Variants in CCDC22 observed in about 807,000 individuals in gnomAD.
CCDC22 encodes the protein CCC complex scaffolding subunit CCDC22, also known as coiled-coil domain-containing protein 22.
Under a neutral mutation model 53.1 loss-of-function variants are expected in CCDC22, and 4 were observed. The ratio of observed to expected loss-of-function variants is 0.08; its 90% CI spans 0.04 to 0.17. The LOEUF is 0.17. Ranked by LOEUF, CCDC22 falls within the 10% of genes least tolerant of loss-of-function variation. The probability of loss-of-function intolerance (pLI) is 1.00; values close to 1 mark genes in which losing one functional copy is unlikely to be tolerated. For missense variants in CCDC22, 458 were observed against 554.0 expected, an observed-to-expected ratio of 0.83 and a Z score of 1.74; for synonymous variants, 222 against 224.4, an observed-to-expected ratio of 0.99 and a Z score of 0.10.
intron 5 of CCDC22, 24 bp from the exon 6 acceptor site, chrX:49,243,260 A>G: frequency 8.3e-7 from 1 of 1,199,642 alleles, no homozygotes; most frequent in Non-Finnish European, 1.1e-6. Flanking sequence ...CGGCAGGGCC[A>G]GCTGACTCTG....
At chrX:49,245,278 A>C (rs2065983853) in intron 6 of CCDC22, among the ~76,000 whole-genome samples, 1 of 102,549 alleles carries the variant, frequency 9.8e-6, no homozygotes, top group Admixed American at 1.0e-4. Flanking sequence ...CTTTTTCTCC[A>C]CCTCTGTGTC....
chrX:49,246,920 C>T lies in CCDC22; in HGVS notation c.904C>T (p.His302Tyr). 8.4e-7 allele frequency: 1 copy of T among 1,190,275 alleles called. No homozygotes were observed. Among genetic ancestry groups the T allele is most frequent in the Non-Finnish European group, 1.1e-6 (1 of 883,780 alleles). ...CACGCACTCAGAGAAGTTCACCTTCCATCTGGTGGGTGCGCCTGAGGACAT... is the reference window on the plus strand; with the variant it reads ...CACGCACTCAGAGAAGTTCACCTTCTATCTGGTGGGTGCGCCTGAGGACAT... Reference protein sequence around the residue: ...RFTHSEKFTFHLEPQAQATQV... With the variant: ...RFTHSEKFTFYLEPQAQATQV... Residue 302 changes from histidine to tyrosine, a missense_variant, in exon 7 of 17, where the codon CAT (histidine) becomes TAT (tyrosine). By Grantham distance (83) the His-to-Tyr change is moderately conservative (BLOSUM62 2). Transcript: ENST00000376227.
chrX:49,247,444 G>A (rs970526378), intron 7 of CCDC22, 52 bp from the exon 8 acceptor site: 8 of 1,119,425 alleles, frequency 7.1e-6, no homozygotes, highest in Non-Finnish European at 9.6e-6. Context: ...GCTGGGCCAC[G>A]TGAGGAAGGG....
chrX:49,238,763 G>T (rs1184774420), intron 2 of CCDC22, among the ~76,000 whole-genome samples: 1 of 110,237 alleles, frequency 9.1e-6, no homozygotes, highest in East Asian at 2.9e-4. Context: ...TCTCGCTTTT[G>T]TAGAGATGTT....
In CCDC22 at chrX:49,237,476, C is replaced by T. The variant is rs142988339; in HGVS notation, c.228+213C>T. On this transcript the variant is annotated intron_variant, in intron 2 of 16. Coordinates refer to ENST00000376227, the MANE Select transcript of CCDC22 (RefSeq NM_014008.5). Reference sequence around the variant, plus strand: ...ACTGCCTGAGTAGTTTAGATCCTAGCCCCACCACTTGGTAACTGTGTGACC... The same window carrying T: ...ACTGCCTGAGTAGTTTAGATCCTAGTCCCACCACTTGGTAACTGTGTGACC... 7.4e-3 allele frequency among the ~76,000 whole-genome samples: 825 copies of T among 112,136 alleles called. 10 individuals are homozygous for T. Among genetic ancestry groups the T allele is most frequent in the Admixed American group, 0.046 (486 of 10,514 alleles).
In CCDC22 at chrX:49,249,231, C is replaced by T. The variant is rs782452269; in HGVS notation, c.1604C>T (p.Thr535Met). 8.3e-6 allele frequency: 10 copies of T among 1,208,867 alleles called. No homozygotes were observed. The highest frequency in any genetic ancestry group is 6.5e-5 in the Admixed American group (3 of 46,022). The change falls in exon 14 of 17, where the codon ACG becomes ATG. Residue 535 changes from threonine (T) to methionine (M), a missense_variant. By Grantham distance (81) the Thr-to-Met change is moderately conservative. Around this residue, in one of 4 missense-constraint regions of CCDC22, gnomAD observed 48 missense variants for 83.4 expected, o/e 0.58. Transcript: ENST00000376227. ...TCCCTATCTGGGAAGCTGGACCGGA[C>T]GTTTGCGGTGACTGATGAGCTTGTG... The part of the protein sequence containing the change: ...INSLSGKLDR[T>M]FAVTDELVFK...
rs200741513 is a variant in CCDC22 at position 49,242,117 on chromosome X, C to T, written c.330C>T (p.Thr110=). Residue 110 remains threonine, a synonymous_variant, in exon 3 of 17, where the codon ACC becomes ACT. Transcript: ENST00000376227. Reference sequence around the variant, plus strand: ...TCTTCTTGGCTGAGCGTCTGCCCACCGATGCCTCTGAGGATGCAGACCAGC... The same window carrying T: ...TCTTCTTGGCTGAGCGTCTGCCCACTGATGCCTCTGAGGATGCAGACCAGC... ...LLLFLAERLP[T]DASEDADQPA... The T allele has an allele frequency of 2.5e-5, 30 of 1,207,950 alleles. No individual in the cohort carries two copies. The highest frequency in any genetic ancestry group is 1.3e-4 in the Admixed American group (6 of 45,547).
chrX:49,243,063 C>G, intron 4 of CCDC22, 55 bp from the exon 5 acceptor site: 2 of 1,165,301 alleles, frequency 1.7e-6, no homozygotes, highest in Non-Finnish European at 2.3e-6. Flanking sequence ...CCCCCTACCC[C>G]TGGCAACCCT....
chrX:49,242,021 G>A lies in CCDC22; in HGVS notation c.234G>A (p.Leu78=). Residue 78 remains leucine (L), a synonymous_variant, in exon 3 of 17, where the codon CTG becomes CTA. Coordinates refer to ENST00000376227, the MANE Select transcript of CCDC22 (RefSeq NM_014008.5). ...AMSLAQACMD[L]GYPLELGYQN... ...AGCCGCCCACCAACCCTCAGGACCT[G>A]GGCTATCCCTTGGAGCTTGGCTATC... The A allele has an allele frequency of 8.3e-7, 1 of 1,207,827 alleles. No homozygotes were observed. Among genetic ancestry groups the A allele is most frequent in the Non-Finnish European group, 1.1e-6 (1 of 894,353 alleles).
rs782617947 is a variant in CCDC22, at chrX:49,243,413, G to A, written c.665G>A (p.Arg222Gln). The change falls in exon 6 of 17, where the codon CGG (arginine) becomes CAG (glutamine). Residue 222 changes from arginine to glutamine, a missense_variant. Arg to Gln is a conservative substitution (Grantham distance 43). This residue lies in a region of CCDC22 where 309 missense variants were observed against 312.3 expected (regional missense o/e 0.99). Transcript: ENST00000376227. ...CTCTGCCAGCAGACGGGCCGGGACC[G>A]GCCAGGGGATGAGGACTGGGTCCAC... ...LQLCQQTGRD[R>Q]PGDEDWVHRT... 2.4e-5 allele frequency: 29 copies of A among 1,200,873 alleles called. No individual in the cohort carries two copies. Among genetic ancestry groups the A allele is most frequent in the African/African-American group, 1.7e-4 (10 of 57,248 alleles).
chrX:49,236,203 CTTT>C (rs57388689), intron 1 of CCDC22, among the ~76,000 whole-genome samples: 17 of 96,746 alleles, frequency 1.8e-4, no homozygotes, highest in African/African-American at 6.0e-4. Context: ...ACCCAGGATT[CTTT>C]TTTTTTTTTT....
intron 6 of CCDC22, among the ~76,000 whole-genome samples, chrX:49,245,967 GTTTTGTT>G (rs2065987057): frequency 1.5e-5 from 1 of 65,713 alleles, no homozygotes; most frequent in Non-Finnish European, 4.3e-5. Context: ...GTTTTGTTTT[GTTTTGTT>G]TTTTTTTTGT....
intron 6 of CCDC22, 131 bp downstream of exon 6, chrX:49,243,593 C>T: frequency 3.8e-6 from 2 of 523,061 alleles, no homozygotes; most frequent in South Asian, 7.2e-5. Context: ...TACCTAGCTC[C>T]CCACCTGAAA....
intron 1 of CCDC22, among the ~76,000 whole-genome samples, chrX:49,236,202 TC>T (rs2065937305): frequency 1.7e-5 from 1 of 57,761 alleles, no homozygotes; most frequent in Non-Finnish European, 4.3e-5. Flanking sequence ...AACCCAGGAT[TC>T]TTTTTTTTTT....
At chrX:49,237,457 T>G (rs2065943243) in intron 2 of CCDC22, among the ~76,000 whole-genome samples, 194 bp downstream of exon 2, 2 of 112,391 alleles carry the variant, frequency 1.8e-5, no homozygotes, top group South Asian at 7.3e-4. Flanking sequence ...CCAAACTGCC[T>G]GAGTAGTTTA....
At chrX:49,241,957 A>T in intron 2 of CCDC22, 59 bp from the exon 3 acceptor site, 4 of 1,185,741 alleles carry the variant, frequency 3.4e-6, no homozygotes, top group Non-Finnish European at 3.4e-6. Context: ...GCCTAGGCCC[A>T]AGTCTCCCAG....
intron 7 of CCDC22, 132 bp downstream of exon 7, chrX:49,247,057 G>A (rs1484536481): frequency 1.7e-6 from 1 of 579,452 alleles, no homozygotes; most frequent in Non-Finnish European, 2.8e-6. Context: ...GCCCCACTGT[G>A]GGATGGGTAC....
At chrX:49,249,615 G>GGGGGGGGGGGGGGGA in intron 15 of CCDC22, 36 bp from the exon 16 acceptor site, 1 of 406,769 alleles carries the variant, frequency 2.5e-6, no homozygotes, top group Non-Finnish European at 4.5e-6. Flanking sequence ...GGGTGGGTGG[G>GGGGGGGGGGGGGGGA]ACTGGGTGCA....
intron 7 of CCDC22, 57 bp from the exon 8 acceptor site, chrX:49,247,439 G>C: frequency 9.1e-7 from 1 of 1,095,649 alleles, no homozygotes; most frequent in South Asian, 2.0e-5. Flanking sequence ...CTGAGGCTGG[G>C]CCACGTGAGG....
Sources: gnomAD v4.1 joint callset for allele counts (sites outside exome capture counted in the v4.1 genomes callset) on GRCh38, gnomAD v4.1.1 for gene constraint, gnomAD v4.1.1 regional missense constraint, MANE v1.5 for transcripts, NCBI Gene and HGNC (gene_info 2026-07-23, HGNC 2026-07-21) for gene names.